AHCYL2: variants seen among roughly 807,000 people sequenced by gnomAD.
AHCYL2 encodes S-adenosylhomocysteine hydrolase-like protein 2.
In AHCYL2, 28 loss-of-function variants were observed where a neutral mutation model predicts 81.4. That is an observed-to-expected ratio of 0.34 (90% CI 0.25 to 0.47). The LOEUF is 0.47. Among genes scored for constraint, AHCYL2 ranks in the 20% least tolerant of loss-of-function variants. The pLI, the probability that AHCYL2 is intolerant of heterozygous loss-of-function variation, is 1.00. For synonymous variants in AHCYL2, 272 were observed against 290.2 expected, an observed-to-expected ratio of 0.94 and a Z score of 0.64; for missense variants, 551 against 785.1, an observed-to-expected ratio of 0.70 and a Z score of 3.56.
chr7:129,420,106 C>A (rs1232023410), intron 12 of AHCYL2, among the ~76,000 whole-genome samples: 1 of 152,212 alleles, frequency 6.6e-6, no homozygotes, highest in Non-Finnish European at 1.5e-5. Flanking sequence ...CAGGCTTTCA[C>A]CTACAGCATA....
intron 1 of AHCYL2, among the ~76,000 whole-genome samples, chr7:129,347,011 T>C (rs544447320): frequency 4.9e-4 from 75 of 152,190 alleles, no homozygotes; most frequent in Non-Finnish European, 1.0e-3. Flanking sequence ...GAAATGCATA[T>C]TACTAAGTGA....
intron 12 of AHCYL2, among the ~76,000 whole-genome samples, chr7:129,416,104 T>C (rs1239834386): frequency 6.6e-6 from 1 of 152,144 alleles, no homozygotes; most frequent in Non-Finnish European, 1.5e-5. Flanking sequence ...TCTAGTTTTC[T>C]TTGTTTTGTT....
At position 129,368,566 on chromosome 7, in the gene AHCYL2, C is replaced by A; in HGVS notation, c.364-11072C>A. ...CTGAGTGGATGGTGAGTTCACTGGT[C>A]GTTTTGTTTCTCCTTCTGTTTCTTG... On this transcript the variant is annotated intron_variant, in intron 1 of 16. Transcript: ENST00000325006. This position sits in a 1 kb window ranked among gnomAD's most constrained non-coding sequence, Gnocchi z 4.4. The A allele has an allele frequency of 6.2e-7, 1 of 1,613,732 alleles. No homozygotes were observed. Among genetic ancestry groups the A allele is most frequent in the South Asian group, 1.1e-5 (1 of 91,042 alleles).
At chr7:129,392,154 T>C (rs73721727) in intron 4 of AHCYL2, among the ~76,000 whole-genome samples, 2,080 of 152,310 alleles carry the variant, frequency 0.014, 51 homozygotes, top group African/African-American at 0.048. Context: ...TTAATATTAA[T>C]TTATTGTTTC....
intron 1 of AHCYL2, among the ~76,000 whole-genome samples, chr7:129,315,510 A>G (rs1231023247): frequency 6.6e-6 from 1 of 152,160 alleles, no homozygotes; most frequent in Admixed American, 6.6e-5. Flanking sequence ...ATGGAGTCCT[A>G]TTCATTCTTA....
chr7:129,366,211 G>A (rs940641036), intron 1 of AHCYL2, among the ~76,000 whole-genome samples: 12 of 151,872 alleles, frequency 7.9e-5, no homozygotes, highest in South Asian at 2.1e-4. Flanking sequence ...TTCTTATTTC[G>A]CCTGCTCTCC....
chr7:129,307,274 A>G (rs1797476065), intron 1 of AHCYL2, among the ~76,000 whole-genome samples: 1 of 152,132 alleles, frequency 6.6e-6, no homozygotes, highest in Admixed American at 6.5e-5. Flanking sequence ...AAAGAAATCT[A>G]CTTGGTGCCC....
At position 129,235,708 on chromosome 7, in the gene AHCYL2, C is replaced by A. The variant is rs79288153; in HGVS notation, c.363+10269C>A. Among the ~76,000 whole-genome samples the A allele has an allele frequency of 7.4e-4, 112 of 152,294 alleles. 1 individual carries two copies. In the East Asian group the frequency reaches 0.021, roughly 29 times the overall value. ...AAAGTGAGTTTTATAATAACTTGTA[C>A]ATAAATAAAAGCATACTCTCTATAC... On this transcript the variant is annotated intron_variant, in intron 1 of 16. Transcript: ENST00000325006.
At chr7:129,405,589 C>T in intron 8 of AHCYL2, 1 of 421,530 alleles carries the variant, frequency 2.4e-6, no homozygotes, top group Non-Finnish European at 4.1e-6. Flanking sequence ...TTTTATTTAA[C>T]CTTCCTGTCT....
At chr7:129,282,495 G>C (rs918295832) in intron 1 of AHCYL2, among the ~76,000 whole-genome samples, 1 of 152,072 alleles carries the variant, frequency 6.6e-6, no homozygotes, top group Non-Finnish European at 1.5e-5. Context: ...TCTGCCATCA[G>C]TCTTATCCAA....
At chr7:129,239,312 T>C (rs761328152) in intron 1 of AHCYL2, among the ~76,000 whole-genome samples, 5 of 152,210 alleles carry the variant, frequency 3.3e-5, no homozygotes, top group Non-Finnish European at 5.9e-5. Flanking sequence ...ATATGAACAA[T>C]ATCAGGTAAC....
At chr7:129,290,426 G>A (rs1211740970) in intron 1 of AHCYL2, among the ~76,000 whole-genome samples, 15 of 151,432 alleles carry the variant, frequency 9.9e-5, no homozygotes, top group East Asian at 9.9e-4. Flanking sequence ...GTATGAACCC[G>A]GGAGGCGGAG....
intron 1 of AHCYL2, among the ~76,000 whole-genome samples, chr7:129,255,086 C>G (rs543334789): frequency 1.3e-4 from 19 of 151,766 alleles, no homozygotes; most frequent in Admixed American, 4.6e-4. Context: ...CATGGTGAAC[C>G]CCCGTCTCTA....
chr7:129,247,055 T>C (rs1022316644), intron 1 of AHCYL2, among the ~76,000 whole-genome samples: 16 of 152,222 alleles, frequency 1.1e-4, no homozygotes, highest in African/African-American at 3.6e-4. Flanking sequence ...GGCAGACATA[T>C]ATTTTCATTT....
At chr7:129,389,007 A>T in intron 2 of AHCYL2, 49 bp from the exon 3 acceptor site, 1 of 1,587,078 alleles carries the variant, frequency 6.3e-7, no homozygotes, top group Non-Finnish European at 8.5e-7. Flanking sequence ...TTGGAATTTT[A>T]GAGGAAGCAT....
Position 129,409,460 on chromosome 7 carries a change from T to G in AHCYL2, c.1296-16T>G. 1 of 1,612,206 alleles carries G rather than the reference T, an allele frequency of 6.2e-7. No individual in the cohort carries two copies. The highest frequency in any genetic ancestry group is 8.5e-7 in the Non-Finnish European group (1 of 1,178,930). ...GCTGCCTGTTTAGGTTAATGGGTCA[T>G]GCTTTATTTCAACAGTATGGATGGA... On this transcript the variant is annotated splice_polypyrimidine_tract_variant and intron_variant, in intron 10 of 16. Transcript: ENST00000325006.
chr7:129,368,671 C>T lies in AHCYL2; in HGVS notation c.364-10967C>T. The T allele has an allele frequency of 8.4e-7, 1 of 1,195,688 alleles. No homozygotes were observed. Among genetic ancestry groups the T allele is most frequent in the Non-Finnish European group, 1.2e-6 (1 of 817,070 alleles). 74.1% of individuals were successfully genotyped at this position (1,195,688 alleles called of 1,614,324 possible). A position where few individuals can be genotyped will look rare whatever the true frequency, so the allele number is the denominator to read the frequency against. ...CTACCAAGATCCGTGGTTGGAAAAA[C>T]AGTTATTACTCTACGTTCTGATTAG... On this transcript the variant is annotated intron_variant, in intron 1 of 16. Coordinates refer to ENST00000325006, the MANE Select transcript of AHCYL2 (RefSeq NM_015328.4). This position sits in a 1 kb window ranked among gnomAD's most constrained non-coding sequence, Gnocchi z 4.4.
intron 2 of AHCYL2, among the ~76,000 whole-genome samples, chr7:129,381,070 T>C (rs1031894062): frequency 3.9e-5 from 6 of 152,166 alleles, no homozygotes; most frequent in African/African-American, 1.2e-4. Flanking sequence ...AAATAAGCAG[T>C]GTTGAAAATT....
intron 1 of AHCYL2, among the ~76,000 whole-genome samples, chr7:129,259,267 G>A (rs1373086820): frequency 1.3e-5 from 2 of 152,124 alleles, no homozygotes; most frequent in Non-Finnish European, 2.9e-5. Flanking sequence ...TGGAACAAGT[G>A]GTGCCAGGGC....
Sources: gnomAD v4.1 joint callset for allele counts (sites outside exome capture counted in the v4.1 genomes callset) on GRCh38, gnomAD v4.1.1 for gene constraint, Gnocchi (gnomAD v3.1) non-coding constraint, MANE v1.5 for transcripts, NCBI Gene and HGNC (gene_info 2026-07-23, HGNC 2026-07-21) for gene names.